The following SUPT3H variants were observed in gnomAD, a reference collection of about 807,000 sequenced individuals.
SUPT3H encodes the protein SPT3 homolog, SAGA and STAGA complex component.
SUPT3H carries 44 observed loss-of-function variants against 44.3 expected under a neutral mutation model. The ratio of observed to expected loss-of-function variants is 0.99; its 90% CI spans 0.78 to 1.28. SUPT3H has a LOEUF of 1.28. SUPT3H is among the 50% of genes most tolerant of loss of function. The probability of loss-of-function intolerance (pLI) is 0.00; values close to 1 mark genes in which losing one functional copy is unlikely to be tolerated. For missense variants in SUPT3H, 380 were observed against 387.1 expected (o/e 0.98, Z 0.15); for synonymous variants, 124 against 125.6 (o/e 0.99, Z 0.09).
chr6:45,310,207 A>T (rs561913392), intron 2 of SUPT3H, among the ~76,000 whole-genome samples: 2 of 152,154 alleles, frequency 1.3e-5, no homozygotes, highest in South Asian at 4.2e-4. Context: ...AGGCAGCCAT[A>T]ATCCTCCTAG....
chr6:45,197,725 CATGT>C (rs1816307822), intron 2 of SUPT3H: 1 of 246,904 alleles, frequency 4.1e-6, no homozygotes, highest in Non-Finnish European at 8.5e-6. Flanking sequence ...TTAGGGCCCA[CATGT>C]ATTGGGACCT....
chr6:44,934,315 A>G (rs1202436972), intron 9 of SUPT3H, among the ~76,000 whole-genome samples: 2 of 152,218 alleles, frequency 1.3e-5, no homozygotes, highest in Admixed American at 6.5e-5. Flanking sequence ...ACAAAATAAT[A>G]TATATACATA....
In SUPT3H at chr6:44,948,346, T is replaced by G. The variant is rs1369717274; in HGVS notation, c.801+4964A>C. Among the ~76,000 whole-genome samples the G allele has an allele frequency of 2.0e-5, 3 of 152,188 alleles. No individual in the cohort carries two copies. The East Asian group carries it at 5.8e-4, about 29-fold the overall frequency. ...TAGGCATGGGCAAGGACTTCATGAC[T>G]GAAACACCAAAAGCAATGGCAACAG... On this transcript the variant is annotated intron_variant, in intron 9 of 10. Coordinates refer to ENST00000371459, the MANE Select transcript of SUPT3H (RefSeq NM_003599.4).
chr6:45,201,726 T>C (rs1305663038), intron 2 of SUPT3H, among the ~76,000 whole-genome samples: 3 of 151,880 alleles, frequency 2.0e-5, no homozygotes, highest in African/African-American at 7.2e-5. Flanking sequence ...CCAACAGTCA[T>C]GGACGCCACT....
intron 10 of SUPT3H, among the ~76,000 whole-genome samples, chr6:44,831,228 C>G (rs9472375): frequency 0.087 from 13,270 of 152,160 alleles, 956 homozygotes; most frequent in African/African-American, 0.19. Context: ...ATCAGTGTAT[C>G]AGGGATGACA....
chr6:45,214,023 A>AAAC (rs1204044683), intron 2 of SUPT3H, among the ~76,000 whole-genome samples: 1 of 149,942 alleles, frequency 6.7e-6, no homozygotes, highest in East Asian at 1.9e-4. Context: ...TGCAAAAAAA[A>AAAC]AAAAAAAAAA....
chr6:45,049,483 T>C (rs1394923648), intron 3 of SUPT3H, among the ~76,000 whole-genome samples: 1 of 152,178 alleles, frequency 6.6e-6, no homozygotes, highest in African/African-American at 2.4e-5. Flanking sequence ...ATAAGGGGTA[T>C]GGATTTTCTA....
At chr6:44,957,337 T>C (rs144874819) in intron 7 of SUPT3H, among the ~76,000 whole-genome samples, 1 of 152,116 alleles carries the variant, frequency 6.6e-6, no homozygotes, top group East Asian at 1.9e-4. Flanking sequence ...ATTATGATAA[T>C]CCCCCTTAAA....
intron 2 of SUPT3H, among the ~76,000 whole-genome samples, chr6:45,232,348 G>A (rs1229567624): frequency 2.6e-5 from 4 of 152,148 alleles, no homozygotes; most frequent in Admixed American, 6.5e-5. Context: ...GCTTTCCCTG[G>A]TGGCTTAGGT....
intron 2 of SUPT3H, among the ~76,000 whole-genome samples, chr6:45,176,487 G>C (rs184065563): frequency 7.7e-4 from 116 of 151,418 alleles, no homozygotes; most frequent in African/African-American, 2.2e-3. Context: ...AGGCGGCAGC[G>C]AGGCTGGGGG....
chr6:44,994,015 T>G (rs917937150), intron 6 of SUPT3H, among the ~76,000 whole-genome samples: 1 of 152,124 alleles, frequency 6.6e-6, no homozygotes, highest in South Asian at 2.1e-4. Flanking sequence ...ATGTAGCAAG[T>G]AGAAAATATA....
chr6:44,890,461 G>T lies in SUPT3H; in HGVS notation c.912+42192C>A, dbSNP rs531567099. ...ATGATGAGTTCATGTCCTTTGTAGG[G>T]ACATGGATGAAATTGGAAATCATCA... On this transcript the variant is annotated intron_variant, in intron 10 of 10. Transcript: ENST00000371459. Among the ~76,000 whole-genome samples, 7 of 152,034 alleles carry T rather than the reference G, an allele frequency of 4.6e-5. No individual in the cohort carries two copies. In the East Asian group the frequency reaches 1.4e-3, roughly 29 times the overall value.
intron 3 of SUPT3H, among the ~76,000 whole-genome samples, chr6:45,086,270 C>T (rs1015575513): frequency 5.9e-5 from 9 of 152,036 alleles, no homozygotes; most frequent in South Asian, 4.2e-4. Flanking sequence ...AAATTTTCTC[C>T]GAATTATATA....
chr6:45,048,403 C>A (rs1052899496), intron 3 of SUPT3H, among the ~76,000 whole-genome samples: 8 of 152,042 alleles, frequency 5.3e-5, no homozygotes, highest in African/African-American at 1.9e-4. Flanking sequence ...TCAGATCTCA[C>A]ATTTAACTCT....
chr6:45,219,354 T>C (rs1208616399), intron 2 of SUPT3H, among the ~76,000 whole-genome samples: 1 of 150,666 alleles, frequency 6.6e-6, no homozygotes, highest in East Asian at 2.0e-4. Flanking sequence ...ATAACAAAAA[T>C]AGAGAAAAGA....
At chr6:44,892,526 G>A (rs144958078) in intron 10 of SUPT3H, among the ~76,000 whole-genome samples, 35 of 152,204 alleles carry the variant, frequency 2.3e-4, no homozygotes, top group African/African-American at 8.4e-4. Flanking sequence ...GGCAGCCCTA[G>A]CTAACTAAGA....
At chr6:45,322,157 T>C (rs2150039411) in intron 2 of SUPT3H, among the ~76,000 whole-genome samples, 1 of 152,080 alleles carries the variant, frequency 6.6e-6, no homozygotes, top group Non-Finnish European at 1.5e-5. Context: ...AAACTAGAAA[T>C]ACTTATTTTT....
At chr6:45,143,590 C>G (rs1805582611) in intron 2 of SUPT3H, among the ~76,000 whole-genome samples, 1 of 152,028 alleles carries the variant, frequency 6.6e-6, no homozygotes, top group Non-Finnish European at 1.5e-5. Flanking sequence ...ATGCCTACAT[C>G]AAATAGTCTG....
chr6:44,972,565 C>G (rs1777740544), intron 6 of SUPT3H, among the ~76,000 whole-genome samples: 1 of 152,220 alleles, frequency 6.6e-6, no homozygotes, highest in Non-Finnish European at 1.5e-5. Context: ...TACAGCTCTA[C>G]TAGGCAGTGC....
Sources: gnomAD v4.1 joint callset for allele counts (sites outside exome capture counted in the v4.1 genomes callset) on GRCh38, gnomAD v4.1.1 for gene constraint, MANE v1.5 for transcripts, NCBI Gene and HGNC (gene_info 2026-07-23, HGNC 2026-07-21) for gene names.